Variants in NAA60 observed in about 807,000 individuals in gnomAD.
The protein encoded by NAA60 is N-alpha-acetyltransferase 60.
In NAA60, 8 loss-of-function variants were observed where a neutral mutation model predicts 26.1. The ratio of observed to expected loss-of-function variants is 0.31; its 90% CI spans 0.18 to 0.55. The LOEUF (loss-of-function observed/expected upper bound fraction) is 0.55. NAA60 is among the 20% of genes least tolerant of loss of function. The probability of loss-of-function intolerance (pLI) is 0.93; values close to 1 mark genes in which losing one functional copy is unlikely to be tolerated. For missense variants in NAA60, 290 were observed against 311.3 expected, an observed-to-expected ratio of 0.93 and a Z score of 0.51; for synonymous variants, 131 against 122.5, an observed-to-expected ratio of 1.07 and a Z score of -0.46.
intron 6 of NAA60, among the ~76,000 whole-genome samples, chr16:3,484,350 C>A (rs2037039488): frequency 6.6e-6 from 1 of 152,190 alleles, no homozygotes; most frequent in African/African-American, 2.4e-5. Context: ...GGGCTCTGTC[C>A]CTCTTGCTGC....
At position 3,476,287 on chromosome 16, in the gene NAA60, C is replaced by T. The variant is rs543443643; in HGVS notation, c.60C>T (p.His20=). ...LSEVSLRLLC[H]DDIDTVKHLC... is the part of the protein sequence containing the mutation. ...AGGTCAGCCTGCGCCTCCTCTGCCA[C>T]GATGACATAGACACTGTGAAGCACC... The change falls in exon 3 of 8, where the codon CAC becomes CAT. Residue 20 remains histidine, a synonymous_variant. Coordinates refer to ENST00000407558, the MANE Select transcript of NAA60 (RefSeq NM_001083601.3). 1.4e-4 allele frequency: 233 copies of T among 1,613,986 alleles called. No homozygotes were observed. In the East Asian group the frequency reaches 2.2e-3, roughly 15 times the overall value.
rs191656011 is a variant in NAA60 at position 3,458,005 on chromosome 16, T to C, written c.-7+9465T>C. On this transcript the variant is annotated intron_variant, in intron 2 of 7. Coordinates refer to ENST00000407558, the MANE Select transcript of NAA60 (RefSeq NM_001083601.3). ...CGGCCAATGGGCTTCCGGGCTGCGC[T>C]GCCGGCAGGGAGCGGGAGGCGGAAG... The C allele has an allele frequency of 7.2e-4, 709 of 985,254 alleles. 5 individuals are homozygous for C. In the African/African-American group the frequency reaches 0.011, roughly 16 times the overall value. 61.0% of individuals were successfully genotyped at this position (985,254 alleles called of 1,614,324 possible).
intron 2 of NAA60, among the ~76,000 whole-genome samples, chr16:3,454,400 A>G (rs918459223): frequency 6.6e-6 from 1 of 152,210 alleles, no homozygotes; most frequent in East Asian, 1.9e-4. Context: ...AAGCGATAAT[A>G]TGCTGGAAGA....
chr16:3,461,036 G>C (rs2035357078), intron 2 of NAA60, among the ~76,000 whole-genome samples: 1 of 100,542 alleles, frequency 9.9e-6, no homozygotes, highest in South Asian at 4.6e-4. Context: ...CTCAGTCGTT[G>C]GGGTTACAGG....
At chr16:3,462,010 C>T (rs750007370) in intron 2 of NAA60, among the ~76,000 whole-genome samples, 7 of 144,308 alleles carry the variant, frequency 4.9e-5, no homozygotes, top group African/African-American at 7.9e-5. Context: ...TGGCTTGAGC[C>T]CAGGAGGTGG....
chr16:3,450,309 C>T (rs1304737036), intron 2 of NAA60: 1 of 248,890 alleles, frequency 4.0e-6, no homozygotes, highest in Non-Finnish European at 7.7e-6. Context: ...GTGGTTTGTT[C>T]ATGATTTGTT....
chr16:3,485,271 C>G (rs1472492358), intron 7 of NAA60, 196 bp from the exon 8 acceptor site: 1 of 612,822 alleles, frequency 1.6e-6, no homozygotes, highest in Non-Finnish European at 3.0e-6. Context: ...GTGCACCCGA[C>G]TTTGGATCCA....
At chr16:3,473,364 C>G (rs1056759047) in intron 2 of NAA60, among the ~76,000 whole-genome samples, 1 of 152,144 alleles carries the variant, frequency 6.6e-6, no homozygotes, top group Non-Finnish European at 1.5e-5. Context: ...AAAGTCACGT[C>G]TTACATGGTG....
At chr16:3,454,841 G>A (rs1231565860) in intron 2 of NAA60, among the ~76,000 whole-genome samples, 2 of 152,128 alleles carry the variant, frequency 1.3e-5, no homozygotes, top group Non-Finnish European at 2.9e-5. Flanking sequence ...GGAACACACT[G>A]GAACAAGGGG....
chr16:3,482,360 A>G, intron 4 of NAA60, 142 bp from the exon 5 acceptor site: 1 of 688,872 alleles, frequency 1.5e-6, no homozygotes, highest in Non-Finnish European at 2.6e-6. Context: ...GCCCCTCTCC[A>G]GTACCTCTTG....
chr16:3,483,382 T>C lies in NAA60; in HGVS notation c.357T>C (p.Ser119=). ...KHGIGSLLLE[S]LKDHISTTAQ... Reference sequence around the variant, plus strand: ...CCCAAGGTTCCCTCTTACTTGAAAGTTTAAAGGATCACATATCAACCACCG... The same window carrying C: ...CCCAAGGTTCCCTCTTACTTGAAAGCTTAAAGGATCACATATCAACCACCG... The change falls in exon 6 of 8, where the codon AGT becomes AGC. Residue 119 remains serine, a synonymous_variant. Coordinates refer to ENST00000407558, the MANE Select transcript of NAA60 (RefSeq NM_001083601.3). The C allele has an allele frequency of 6.2e-7, 1 of 1,611,910 alleles. No homozygotes were observed. The highest frequency in any genetic ancestry group is 8.5e-7 in the Non-Finnish European group (1 of 1,178,868).
intron 3 of NAA60, among the ~76,000 whole-genome samples, chr16:3,478,664 A>G (rs1421610299): frequency 2.0e-5 from 3 of 152,148 alleles, no homozygotes; most frequent in African/African-American, 7.2e-5. Context: ...AGCCGTTAGC[A>G]GCCTCAGCCT....
chr16:3,479,779 G>GTA (rs56709844), intron 4 of NAA60, among the ~76,000 whole-genome samples, 179 bp downstream of exon 4: 5 of 152,056 alleles, frequency 3.3e-5, no homozygotes, highest in Non-Finnish European at 5.9e-5. Flanking sequence ...GTGTGTGTGT[G>GTA]TGATTTCATG....
intron 2 of NAA60, among the ~76,000 whole-genome samples, chr16:3,473,207 T>C (rs1446621784): frequency 6.6e-6 from 1 of 152,058 alleles, no homozygotes; most frequent in African/African-American, 2.4e-5. Flanking sequence ...CTAATGTTTG[T>C]ATTTTTAGTA....
At chr16:3,468,954 C>G (rs2035941159) in intron 2 of NAA60, among the ~76,000 whole-genome samples, 1 of 152,098 alleles carries the variant, frequency 6.6e-6, no homozygotes, top group Non-Finnish European at 1.5e-5. Context: ...GTTGTGGTGG[C>G]ACATGCCTGT....
Position 3,485,611 on chromosome 16 carries a change from G to A in NAA60, c.*351G>A, listed in dbSNP as rs1029759354. 5 of 456,268 alleles carry A rather than the reference G, an allele frequency of 1.1e-5. No homozygotes were observed. The highest frequency in any genetic ancestry group is 4.7e-5 in the Admixed American group (2 of 42,528). The allele number at this position is 456,268 out of a possible 1,614,324, so 28.3% of individuals were successfully genotyped here. On this transcript the variant is annotated 3_prime_UTR_variant, in exon 8 of 8. Transcript: ENST00000407558. ...GCCCTCACTGGGCCTCTCCCACTCCGCTGCCTGTTCTTGCAGCTCCTTCCT... is the reference window on the plus strand; with the variant it reads ...GCCCTCACTGGGCCTCTCCCACTCCACTGCCTGTTCTTGCAGCTCCTTCCT...
chr16:3,485,803 A>C lies in NAA60; in HGVS notation c.*543A>C. ...GCCTGGGGGGTGAGGAGTGGCCCCC[A>C]CTCCTCCATGAGGGGCTGATGAGGG... On this transcript the variant is annotated 3_prime_UTR_variant, in exon 8 of 8. Coordinates refer to ENST00000407558, the MANE Select transcript of NAA60 (RefSeq NM_001083601.3). The C allele has an allele frequency of 7.8e-6, 3 of 386,166 alleles. No individual in the cohort carries two copies. Among genetic ancestry groups the C allele is most frequent in the East Asian group, 1.5e-4 (2 of 13,276 alleles). 23.9% of individuals were successfully genotyped at this position (386,166 alleles called of 1,614,324 possible).
At chr16:3,467,028 C>T (rs1411388018) in intron 2 of NAA60, among the ~76,000 whole-genome samples, 12 of 151,826 alleles carry the variant, frequency 7.9e-5, no homozygotes, top group Non-Finnish European at 4.4e-5. Context: ...CTGCAGGGTG[C>T]GGACAGCCTG....
At chr16:3,482,147 G>T (rs151317608) in intron 4 of NAA60, among the ~76,000 whole-genome samples, 101 of 152,324 alleles carry the variant, frequency 6.6e-4, no homozygotes, top group African/African-American at 2.4e-3. Context: ...TGACATGCGT[G>T]CATTCCCATG....
Sources: allele counts gnomAD v4.1 joint callset (sites outside exome capture counted in the v4.1 genomes callset), GRCh38; gene constraint gnomAD v4.1.1; transcripts MANE v1.5; gene names NCBI Gene and HGNC (gene_info 2026-07-23, HGNC 2026-07-21).